WNK3: variants seen among roughly 807,000 people sequenced by gnomAD.
The protein encoded by WNK3 is serine/threonine-protein kinase WNK3.
In WNK3, 18 loss-of-function variants were observed where a neutral mutation model predicts 116.7. That is an observed-to-expected ratio of 0.15 (90% CI 0.11 to 0.23). The LOEUF (loss-of-function observed/expected upper bound fraction) is 0.23, where lower values mean the gene tolerates loss of function less well. WNK3 is among the 10% of genes least tolerant of loss of function. The pLI, the probability that WNK3 is intolerant of heterozygous loss-of-function variation, is 1.00. For missense variants in WNK3, 993 were observed against 1,323.8 expected (o/e 0.75, Z 3.88); for synonymous variants, 404 against 469.4 (o/e 0.86, Z 1.80).
chrX:54,337,557 C>CAAATAAATAAATAAATAAATAAAT lies in WNK3; in HGVS notation c.-119-3789_-119-3766dup, dbSNP rs56172743. On this transcript the variant is annotated intron_variant, in intron 1 of 23. Transcript: ENST00000354646. Reference sequence around the variant, plus strand: ...CTGGGCGACAGAGCGAGACTAGTCTCAAATAAATAAATAAATAAATAAATA... The same window carrying CAAATAAATAAATAAATAAATAAAT: ...CTGGGCGACAGAGCGAGACTAGTCTCAAATAAATAAATAAATAAATAAATAAATAAATAAATAAATAAATAAATA... Among the ~76,000 whole-genome samples the CAAATAAATAAATAAATAAATAAAT allele has an allele frequency of 2.8e-3, 205 of 73,868 alleles. 1 individual carries two copies. The highest frequency in any genetic ancestry group is 6.5e-3 in the Middle Eastern group (1 of 154). 64.1% of individuals were successfully genotyped at this position (73,868 alleles called of 115,157 possible).
intron 10 of WNK3, among the ~76,000 whole-genome samples, chrX:54,263,210 T>C (rs1431055561): frequency 1.8e-5 from 2 of 111,774 alleles, no homozygotes; most frequent in Non-Finnish European, 3.8e-5. Flanking sequence ...GAGATTCTTA[T>C]TCAGTTATTA....
At chrX:54,263,758 T>C (rs781828154) in intron 10 of WNK3, among the ~76,000 whole-genome samples, 15 of 111,563 alleles carry the variant, frequency 1.3e-4, no homozygotes, top group African/African-American at 4.9e-4. Context: ...AACAGTGGAA[T>C]TTTTGCTTAT....
chrX:54,247,866 A>C (rs1296290930), intron 17 of WNK3, among the ~76,000 whole-genome samples: 4 of 111,478 alleles, frequency 3.6e-5, no homozygotes, highest in Non-Finnish European at 7.5e-5. Flanking sequence ...AGTCAAGAAG[A>C]ATAAGCATCA....
At chrX:54,266,931 C>T (rs1308962341) in intron 10 of WNK3, among the ~76,000 whole-genome samples, 2 of 110,081 alleles carry the variant, frequency 1.8e-5, no homozygotes, top group East Asian at 5.7e-4. Flanking sequence ...TGTGATGTTC[C>T]CCTCCCTGTG....
exon 1 of WNK3, chrX:54,357,709 A>C (rs2069614663): frequency 8.9e-6 from 1 of 111,945 alleles, no homozygotes; most frequent in Admixed American, 9.4e-5. Flanking sequence ...CTCGCAAAGG[A>C]AGACTCTCTT....
At chrX:54,344,316 G>A (rs1201473741) in intron 1 of WNK3, among the ~76,000 whole-genome samples, 5 of 110,267 alleles carry the variant, frequency 4.5e-5, no homozygotes, top group Non-Finnish European at 5.7e-5. Flanking sequence ...CGTGGCGGGC[G>A]CCTGTAGTCC....
chrX:54,196,375 A>G (rs2067442772), exon 24 of WNK3: 1 of 107,810 alleles, frequency 9.3e-6, no homozygotes, highest in Admixed American at 1.0e-4. Context: ...TTGATAATGG[A>G]TGTGATCCTC....
intron 10 of WNK3, among the ~76,000 whole-genome samples, chrX:54,287,447 C>A (rs1366758826): frequency 9.0e-6 from 1 of 111,444 alleles, no homozygotes; most frequent in Non-Finnish European, 1.9e-5. Flanking sequence ...TCAAATGTTA[C>A]CTTCTCAATG....
chrX:54,295,143 G>A, intron 7 of WNK3, among the ~76,000 whole-genome samples: 2 of 108,741 alleles, frequency 1.8e-5, no homozygotes, highest in Non-Finnish European at 3.8e-5. Flanking sequence ...GTGATCCACC[G>A]CCTCAGCCTC....
At chrX:54,239,344 ATAT>A (rs2067999200) in intron 17 of WNK3, among the ~76,000 whole-genome samples, 1 of 111,325 alleles carries the variant, frequency 9.0e-6, no homozygotes. Context: ...TTCTTTAAAA[ATAT>A]TATTTAGACT....
At chrX:54,338,933 C>T (rs1423531879) in intron 1 of WNK3, among the ~76,000 whole-genome samples, 1 of 103,224 alleles carries the variant, frequency 9.7e-6, no homozygotes, top group East Asian at 3.1e-4. Context: ...ATCTGGGAGG[C>T]AGAGGCTGCA....
At chrX:54,322,954 A>G (rs2147223973) in intron 2 of WNK3, among the ~76,000 whole-genome samples, 1 of 111,688 alleles carries the variant, frequency 9.0e-6, no homozygotes, top group South Asian at 3.8e-4. Context: ...ATGCCAATTA[A>G]TAAATGCAGA....
In WNK3 at chrX:54,259,426, A is replaced by C. The variant is rs916228150; in HGVS notation, c.2038-88T>G. ...TTTGTTACTATTCAGAAAACACGAT[A>C]GTTTTGGTTACCTTGCAAACCTGGT... On this transcript the variant is annotated intron_variant, in intron 10 of 23. Transcript: ENST00000354646. 5.9e-5 allele frequency: 30 copies of C among 506,639 alleles called. No homozygotes were observed. The African/African-American group carries it at 6.7e-4, about 11-fold the overall frequency. The allele number at this position is 506,639 out of a possible 1,213,427, so 41.8% of individuals were successfully genotyped here. A position where few individuals can be genotyped will look rare whatever the true frequency, so the allele number is the denominator to read the frequency against.
rs183451018 is a variant in WNK3, at chrX:54,207,884, T to C, written c.4871-5691A>G. 2.7e-5 allele frequency among the ~76,000 whole-genome samples: 3 copies of C among 110,597 alleles called. No individual in the cohort carries two copies. In the East Asian group the frequency reaches 8.5e-4, roughly 31 times the overall value. On this transcript the variant is annotated intron_variant, in intron 22 of 23. Transcript: ENST00000354646. ...GTGAAGCATTCTCAGACCACTATCA[T>C]CATTCATTCCCCTCAACCCACTACA... is the stretch of plus-strand genomic sequence containing the variant.
chrX:54,278,005 G>T lies in WNK3; in HGVS notation c.2037+14883C>A, dbSNP rs782554082. On this transcript the variant is annotated intron_variant, in intron 10 of 23. Transcript: ENST00000354646. ...CTACTTTGGGAGGCTGTGGTGGGAGGATTGCTCGAGCCTGGGAAGCAGAGG... is the reference window on the plus strand; with the variant it reads ...CTACTTTGGGAGGCTGTGGTGGGAGTATTGCTCGAGCCTGGGAAGCAGAGG... Among the ~76,000 whole-genome samples, 6 of 108,170 alleles carry T rather than the reference G, an allele frequency of 5.5e-5. 1 individual carries two copies. In the South Asian group the frequency reaches 2.5e-3, roughly 45 times the overall value. The allele number at this position is 108,170 out of a possible 115,157, so 93.9% of individuals were successfully genotyped here. A position where few individuals can be genotyped will look rare whatever the true frequency, so the allele number is the denominator to read the frequency against.
chrX:54,214,466 T>C (rs1355361051), intron 22 of WNK3, among the ~76,000 whole-genome samples: 4 of 111,697 alleles, frequency 3.6e-5, no homozygotes, highest in African/African-American at 1.3e-4. Flanking sequence ...GGGTAAACTT[T>C]CTTGTATTCA....
intron 23 of WNK3, among the ~76,000 whole-genome samples, chrX:54,200,366 C>A (rs1175037552): frequency 9.0e-6 from 1 of 111,236 alleles, no homozygotes; most frequent in Non-Finnish European, 1.9e-5. Context: ...GGATACAGAG[C>A]AATACAATGT....
At chrX:54,236,804 A>G in intron 20 of WNK3, 134 bp downstream of exon 20, 1 of 762,937 alleles carries the variant, frequency 1.3e-6, no homozygotes, top group East Asian at 3.3e-5. Flanking sequence ...TCATTCATAA[A>G]TGTTTAGCAT....
intron 22 of WNK3, among the ~76,000 whole-genome samples, chrX:54,213,502 C>T (rs1236530503): frequency 1.8e-4 from 17 of 94,503 alleles, no homozygotes; most frequent in African/African-American, 5.2e-4. Flanking sequence ...TGCAGTGAGC[C>T]GAGATCGCGC....
Sources: gnomAD v4.1 joint callset for allele counts (sites outside exome capture counted in the v4.1 genomes callset) on GRCh38, gnomAD v4.1.1 for gene constraint, MANE v1.5 for transcripts, NCBI Gene and HGNC (gene_info 2026-07-23, HGNC 2026-07-21) for gene names.